Variants in SNTB2 observed in about 807,000 individuals in gnomAD.
SNTB2 encodes syntrophin beta 2, also known as beta-2-syntrophin.
Under a neutral mutation model 46.2 loss-of-function variants are expected in SNTB2, and 34 were observed. That is an observed-to-expected ratio of 0.74 (90% CI 0.56 to 0.98). The LOEUF is 0.98. Ranked by LOEUF, SNTB2 falls within the 50% of genes least tolerant of loss-of-function variation. SNTB2 has a pLI of 0.00. For synonymous variants in SNTB2, 290 were observed against 312.6 expected (o/e 0.93, Z 0.76); for missense variants, 603 against 731.4 (o/e 0.82, Z 2.02).
chr16:69,298,840 GGGCCTATCTGAA>G (rs1965252216), intron 5 of SNTB2, among the ~76,000 whole-genome samples: 1 of 151,804 alleles, frequency 6.6e-6, no homozygotes, highest in Non-Finnish European at 1.5e-5. Flanking sequence ...CAATTCTTTA[GGGCCTATCTGAA>G]GGCCCATCTC....
intron 1 of SNTB2, among the ~76,000 whole-genome samples, chr16:69,218,013 A>G (rs1042422860): frequency 2.6e-5 from 4 of 152,154 alleles, no homozygotes; most frequent in African/African-American, 9.7e-5. Context: ...TAAACACAAT[A>G]CACTTGGAGT....
chr16:69,270,357 A>C, intron 4 of SNTB2, 72 bp downstream of exon 4: 1 of 1,574,550 alleles, frequency 6.4e-7, no homozygotes, highest in Non-Finnish European at 8.7e-7. Context: ...TTTAAAGTGA[A>C]TTCTGTTATC....
chr16:69,244,216 GA>G (rs1964646490), intron 1 of SNTB2, among the ~76,000 whole-genome samples: 1 of 152,140 alleles, frequency 6.6e-6, no homozygotes, highest in African/African-American at 2.4e-5. Context: ...TCATGCTGTA[GA>G]ATGAGCTATC....
In SNTB2 at chr16:69,260,270, G is replaced by C. The variant is rs761156357; in HGVS notation, c.1005+10G>C. 7 of 1,613,450 alleles carry C rather than the reference G, an allele frequency of 4.3e-6. No homozygotes were observed. The highest frequency in any genetic ancestry group is 1.7e-5 in the Admixed American group (1 of 59,940). ...CTGGCTGGCAGAACAGGTAGGCTGGGAGGCAGGGCAGAGTATCACCTGGTT... is the reference window on the plus strand; with the variant it reads ...CTGGCTGGCAGAACAGGTAGGCTGGCAGGCAGGGCAGAGTATCACCTGGTT... On this transcript the variant is annotated intron_variant, in intron 3 of 6. Transcript: ENST00000336278.
chr16:69,193,247 A>G (rs1316927180), intron 1 of SNTB2, among the ~76,000 whole-genome samples: 1 of 151,552 alleles, frequency 6.6e-6, no homozygotes. Context: ...GAAAAAAAAA[A>G]AAGTTACACC....
intron 1 of SNTB2, among the ~76,000 whole-genome samples, chr16:69,209,667 A>G (rs910412883): frequency 6.6e-6 from 1 of 152,134 alleles, no homozygotes; most frequent in Non-Finnish European, 1.5e-5. Flanking sequence ...TAGTAGCTAT[A>G]TTTTATATGT....
chr16:69,204,901 CTATT>C (rs1282340863), intron 1 of SNTB2, among the ~76,000 whole-genome samples: 2 of 152,290 alleles, frequency 1.3e-5, no homozygotes, highest in African/African-American at 4.8e-5. Flanking sequence ...AAAATGAAAA[CTATT>C]TATTCAAGAG....
chr16:69,200,992 G>A (rs1048722232), intron 1 of SNTB2, among the ~76,000 whole-genome samples: 1 of 152,134 alleles, frequency 6.6e-6, no homozygotes, highest in Admixed American at 6.6e-5. Context: ...CAGCCAATTC[G>A]TTTATATGTC....
At chr16:69,225,924 C>T (rs1180221673) in intron 1 of SNTB2, among the ~76,000 whole-genome samples, 3 of 151,574 alleles carry the variant, frequency 2.0e-5, no homozygotes, top group South Asian at 4.2e-4. Context: ...CCCGTCTCCA[C>T]ACCTGGCTAA....
chr16:69,254,635 G>A (rs1170607802), intron 2 of SNTB2, among the ~76,000 whole-genome samples: 1 of 152,118 alleles, frequency 6.6e-6, no homozygotes, highest in Non-Finnish European at 1.5e-5. Flanking sequence ...GCCACACATT[G>A]GGAAGAAATC....
intron 5 of SNTB2, among the ~76,000 whole-genome samples, chr16:69,292,194 G>T: frequency 7.8e-6 from 1 of 128,880 alleles, no homozygotes; most frequent in South Asian, 2.6e-4. Context: ...CCAAGATCAC[G>T]CTATTGCACT....
Position 69,270,290 on chromosome 16 carries a change from G to A in SNTB2, c.1148+5G>A. On this transcript the variant is annotated splice_donor_5th_base_variant and intron_variant, in intron 4 of 6. Coordinates refer to ENST00000336278, the MANE Select transcript of SNTB2 (RefSeq NM_006750.4). ...CTACCCACTTGTTGCCACCAGGTAA[G>A]TAAGACTAAAGATAAGGAAGTAAAA... 6.2e-7 allele frequency: 1 copy of A among 1,614,100 alleles called. No homozygotes were observed. Among genetic ancestry groups the A allele is most frequent in the Non-Finnish European group, 8.5e-7 (1 of 1,179,996 alleles).
At chr16:69,187,773 G>GGGGGGGGGGGGGGGGGGGGCC in intron 1 of SNTB2, 27 bp downstream of exon 1, 2 of 331,854 alleles carry the variant, frequency 6.0e-6, no homozygotes, top group Non-Finnish European at 1.1e-5. Flanking sequence ...GGGAGGGTGG[G>GGGGGGGGGGGGGGGGGGGGCC]CAGGCCGCGG....
At position 69,304,618 on chromosome 16, in the gene SNTB2, A is replaced by T. The variant is rs1475531371; in HGVS notation, c.*3694A>T. On this transcript the variant is annotated 3_prime_UTR_variant, in exon 7 of 7. Transcript: ENST00000336278. ...AGTTGAATGGTAACAAAGCTTTTCC[A>T]GCTGAATGAATGCACTTAGCTGATA... The T allele has an allele frequency of 6.6e-6, 1 of 152,176 alleles. No homozygotes were observed. Among genetic ancestry groups the T allele is most frequent in the Non-Finnish European group, 1.5e-5 (1 of 68,028 alleles). The allele number at this position is 152,176 out of a possible 1,614,324, so 9.4% of individuals were successfully genotyped here. A position where few individuals can be genotyped will look rare whatever the true frequency, so the allele number is the denominator to read the frequency against.
intron 3 of SNTB2, among the ~76,000 whole-genome samples, chr16:69,269,409 C>T (rs1188909849): frequency 2.0e-5 from 3 of 151,712 alleles, no homozygotes; most frequent in African/African-American, 4.8e-5. Context: ...CCCAGCTACT[C>T]GGGAGGCTGA....
At chr16:69,269,866 A>G (rs1252218912) in intron 3 of SNTB2, among the ~76,000 whole-genome samples, 1 of 152,240 alleles carries the variant, frequency 6.6e-6, no homozygotes, top group Non-Finnish European at 1.5e-5. Flanking sequence ...TCTCAAAAAA[A>G]GAAAAAACAG....
intron 1 of SNTB2, among the ~76,000 whole-genome samples, chr16:69,205,644 A>G (rs556898877): frequency 1.4e-4 from 22 of 152,180 alleles, no homozygotes; most frequent in Admixed American, 2.6e-4. Flanking sequence ...GCATGACATA[A>G]TGGCTTTTTC....
At chr16:69,247,770 C>T (rs1964685102) in intron 2 of SNTB2, among the ~76,000 whole-genome samples, 1 of 152,102 alleles carries the variant, frequency 6.6e-6, no homozygotes, top group Non-Finnish European at 1.5e-5. Context: ...TATAAAGGCC[C>T]TTTCACAGAG....
intron 2 of SNTB2, among the ~76,000 whole-genome samples, chr16:69,256,457 A>G (rs1250804412): frequency 6.6e-6 from 1 of 152,126 alleles, no homozygotes; most frequent in African/African-American, 2.4e-5. Context: ...CAAAACTAAA[A>G]TACTCTACTC....
Sources: gnomAD v4.1 joint callset for allele counts (sites outside exome capture counted in the v4.1 genomes callset) on GRCh38, gnomAD v4.1.1 for gene constraint, MANE v1.5 for transcripts, NCBI Gene and HGNC (gene_info 2026-07-23, HGNC 2026-07-21) for gene names.